BRD9: variants seen among roughly 807,000 people sequenced by gnomAD.
BRD9 encodes the protein bromodomain containing 9.
Under a neutral mutation model 68.7 loss-of-function variants are expected in BRD9, and 47 were observed. The ratio of observed to expected loss-of-function variants is 0.68; its 90% CI spans 0.54 to 0.87. BRD9 has a LOEUF of 0.87. Among genes scored for constraint, BRD9 ranks in the 40% least tolerant of loss-of-function variants. The pLI, the probability that BRD9 is intolerant of heterozygous loss-of-function variation, is 0.00. For missense variants in BRD9, 670 were observed against 748.4 expected (o/e 0.90, Z 1.22); for synonymous variants, 313 against 293.9 (o/e 1.06, Z -0.67).
At chr5:882,950 C>A in intron 8 of BRD9, 2 of 250,484 alleles carry the variant, frequency 8.0e-6, no homozygotes, top group South Asian at 7.7e-5. Flanking sequence ...CCACGTGAAC[C>A]ACAACCTCCC....
chr5:875,255 T>C (rs1750733700), intron 12 of BRD9, among the ~76,000 whole-genome samples: 1 of 152,168 alleles, frequency 6.6e-6, no homozygotes, highest in African/African-American at 2.4e-5. Flanking sequence ...AAGACATTCC[T>C]GGCTTGTGGT....
chr5:885,119 C>T (rs1374431787), intron 7 of BRD9, among the ~76,000 whole-genome samples: 2 of 152,210 alleles, frequency 1.3e-5, no homozygotes, highest in African/African-American at 2.4e-5. Context: ...CGGCAAAGGG[C>T]GGCCATGAAA....
At chr5:873,313 C>T (rs1472717184) in intron 12 of BRD9, among the ~76,000 whole-genome samples, 1 of 152,194 alleles carries the variant, frequency 6.6e-6, no homozygotes, top group Non-Finnish European at 1.5e-5. Flanking sequence ...AAACTGAAGA[C>T]TGAGCTCTGA....
At chr5:872,358 G>T (rs913037797) in intron 12 of BRD9, among the ~76,000 whole-genome samples, 5 of 152,200 alleles carry the variant, frequency 3.3e-5, no homozygotes, top group African/African-American at 1.2e-4. Flanking sequence ...TACTGCGGGG[G>T]TGCACTCGGG....
At chr5:865,727 C>A in intron 14 of BRD9, 146 bp from the exon 15 acceptor site, 1 of 844,424 alleles carries the variant, frequency 1.2e-6, no homozygotes, top group Non-Finnish European at 1.8e-6. Context: ...TCACAGCAGA[C>A]AGGTGGACAG....
chr5:868,734 T>G (rs1479080865), intron 14 of BRD9: 2 of 152,430 alleles, frequency 1.3e-5, no homozygotes, highest in East Asian at 3.8e-4. Context: ...CTGCTGGGAG[T>G]GGATCTGGGC....
At chr5:875,440 C>T (rs552939615) in intron 12 of BRD9, among the ~76,000 whole-genome samples, 16 of 152,028 alleles carry the variant, frequency 1.1e-4, no homozygotes, top group Admixed American at 5.2e-4. Context: ...CTCTGCCTCC[C>T]GGGTTCATGC....
intron 7 of BRD9, among the ~76,000 whole-genome samples, chr5:886,053 G>A (rs935004593): frequency 5.3e-5 from 8 of 152,194 alleles, no homozygotes; most frequent in Non-Finnish European, 1.2e-4. Context: ...GCTACAGGGA[G>A]CTGTGGCCTG....
At chr5:877,343 C>T (rs868039096) in intron 11 of BRD9, among the ~76,000 whole-genome samples, 20 of 152,240 alleles carry the variant, frequency 1.3e-4, no homozygotes, top group African/African-American at 4.3e-4. Context: ...ATGACCCCAT[C>T]GTCTCCTACT....
intron 13 of BRD9, 76 bp from the exon 14 acceptor site, chr5:870,651 G>A (rs906412346): frequency 2.6e-5 from 27 of 1,031,224 alleles, no homozygotes; most frequent in Non-Finnish European, 3.6e-5. Flanking sequence ...ACTCGCTATT[G>A]AAATCACTCT....
At chr5:886,787 A>G (rs1752633816) in intron 6 of BRD9, 80 bp from the exon 7 acceptor site, 1 of 1,605,362 alleles carries the variant, frequency 6.2e-7, no homozygotes, top group Non-Finnish European at 8.5e-7. Context: ...GAAAGGACAG[A>G]GCAGCAGGGA....
At chr5:871,592 G>A (rs1315473768) in intron 12 of BRD9, 28 bp from the exon 13 acceptor site, 1 of 1,606,234 alleles carries the variant, frequency 6.2e-7, no homozygotes, top group Admixed American at 1.7e-5. Flanking sequence ...ACAGAAACTA[G>A]TTTTTCCAGA....
chr5:880,777 C>T (rs1156437849), intron 9 of BRD9, among the ~76,000 whole-genome samples: 1 of 152,226 alleles, frequency 6.6e-6, no homozygotes, highest in East Asian at 1.9e-4. Flanking sequence ...CTGGTCTTTG[C>T]TGAAGACTGA....
intron 3 of BRD9, among the ~76,000 whole-genome samples, chr5:890,848 A>T (rs114084751): frequency 1.6e-4 from 25 of 152,344 alleles, no homozygotes; most frequent in African/African-American, 5.5e-4. Context: ...GTCACATACG[A>T]TTGGTCTCTG....
chr5:891,981 G>A (rs1753492696), intron 1 of BRD9, 127 bp from the exon 2 acceptor site: 1 of 1,410,518 alleles, frequency 7.1e-7, no homozygotes, highest in Non-Finnish European at 9.3e-7. Flanking sequence ...CAACCAGCAG[G>A]GAAAGACGGA....
At chr5:865,860 G>A (rs1749311184) in intron 14 of BRD9, 1 of 335,388 alleles carries the variant, frequency 3.0e-6, no homozygotes, top group African/African-American at 2.1e-5. Flanking sequence ...GGCACGCACA[G>A]ACACCGTGGA....
At chr5:889,215 A>G (rs1392619839) in intron 4 of BRD9, 50 bp from the exon 5 acceptor site, 1 of 1,565,862 alleles carries the variant, frequency 6.4e-7, no homozygotes, top group African/African-American at 1.4e-5. Flanking sequence ...TCTAAATGAT[A>G]CAAAATCTCT....
intron 4 of BRD9, 104 bp downstream of exon 4, chr5:889,483 G>A: frequency 7.9e-7 from 1 of 1,266,908 alleles, no homozygotes; most frequent in Non-Finnish European, 1.1e-6. Flanking sequence ...AGAAGGTGCA[G>A]GGTCTGTTTC....
At chr5:891,076 C>A in intron 3 of BRD9, 79 bp downstream of exon 3, 1 of 1,454,766 alleles carries the variant, frequency 6.9e-7, no homozygotes. Flanking sequence ...CTCCCCAAAG[C>A]AACAGGACAC....
Sources: gnomAD v4.1 joint callset for allele counts (sites outside exome capture counted in the v4.1 genomes callset) on GRCh38, gnomAD v4.1.1 for gene constraint, MANE v1.5 for transcripts, NCBI Gene and HGNC (gene_info 2026-07-23, HGNC 2026-07-21) for gene names.